VPS13A: variants seen among roughly 807,000 people sequenced by gnomAD.
VPS13A encodes intermembrane lipid transfer protein VPS13A.
A neutral mutation model predicts 390.9 loss-of-function variants in VPS13A; 264 were observed. The observed-to-expected ratio is 0.68, with a 90% confidence interval of 0.61 to 0.75. The LOEUF (loss-of-function observed/expected upper bound fraction) is 0.75, where lower values mean the gene tolerates loss of function less well. Ranked by LOEUF, VPS13A falls within the 30% of genes least tolerant of loss-of-function variation. The pLI is 0.00. For missense variants in VPS13A, 3,409 were observed against 3,733.9 expected, an observed-to-expected ratio of 0.91 and a Z score of 2.27; for synonymous variants, 1,231 against 1,227.1, an observed-to-expected ratio of 1.00 and a Z score of -0.07.
At chr9:77,196,821 TCAA>T (rs939939101) in intron 1 of VPS13A, among the ~76,000 whole-genome samples, 1 of 152,184 alleles carries the variant, frequency 6.6e-6, no homozygotes, top group African/African-American at 2.4e-5. Flanking sequence ...AGGTTTCTCT[TCAA>T]CAAACTGATT....
rs1433899334 is a variant in VPS13A, at chr9:77,197,364, C to A, written c.101-2581C>A. On this transcript the variant is annotated intron_variant, in intron 1 of 71. Transcript: ENST00000360280. ...ATTACTGAAAGTGGGGTATTGAAGC[C>A]TTCTACTGCTAATGTAGTGCTATCT... 2.6e-5 allele frequency among the ~76,000 whole-genome samples: 4 copies of A among 152,132 alleles called. No individual in the cohort carries two copies. The East Asian group carries it at 7.7e-4, about 29-fold the overall frequency.
At chr9:77,222,784 ATTAAG>A (rs1427667937) in intron 13 of VPS13A, among the ~76,000 whole-genome samples, 1 of 152,192 alleles carries the variant, frequency 6.6e-6, no homozygotes, top group Non-Finnish European at 1.5e-5. Context: ...CAGCTGTTAA[ATTAAG>A]TTTAGACTAA....
At chr9:77,258,768 A>G (rs1313049574) in intron 22 of VPS13A, among the ~76,000 whole-genome samples, 1 of 152,128 alleles carries the variant, frequency 6.6e-6, no homozygotes, top group Non-Finnish European at 1.5e-5. Flanking sequence ...TAAAGATTAA[A>G]GATCTGTGCG....
chr9:77,246,201 A>G (rs1824797002), intron 19 of VPS13A, among the ~76,000 whole-genome samples: 1 of 152,208 alleles, frequency 6.6e-6, no homozygotes, highest in South Asian at 2.1e-4. Context: ...ATTTTAATTT[A>G]AATAGATATT....
chr9:77,398,725 G>T (rs1004834820), intron 68 of VPS13A, among the ~76,000 whole-genome samples: 1 of 152,088 alleles, frequency 6.6e-6, no homozygotes, highest in African/African-American at 2.4e-5. Flanking sequence ...GTATTCTCAT[G>T]TTTATAATGG....
At chr9:77,194,370 C>T (rs923197168) in intron 1 of VPS13A, among the ~76,000 whole-genome samples, 3 of 147,174 alleles carry the variant, frequency 2.0e-5, no homozygotes, top group Admixed American at 2.0e-4. Flanking sequence ...TTGGGGGGGG[C>T]GCTCAAATCT....
At position 77,334,117 on chromosome 9, in the gene VPS13A, GCTAT is replaced by G. The variant is rs1412289179; in HGVS notation, c.6095+2008_6095+2011del. Among the ~76,000 whole-genome samples, 6 of 152,266 alleles carry G rather than the reference GCTAT, an allele frequency of 3.9e-5. No homozygotes were observed. The South Asian group carries it at 6.2e-4, about 16-fold the overall frequency. On this transcript the variant is annotated intron_variant, in intron 46 of 71. Transcript: ENST00000360280. ...GTAATATGGAGATTAGAAGGAAAAG[GCTAT>G]CTAAGAGGAAGGCATGCATGAACAA...
At chr9:77,239,933 AT>A (rs1412596669) in intron 19 of VPS13A, among the ~76,000 whole-genome samples, 1 of 151,946 alleles carries the variant, frequency 6.6e-6, no homozygotes, top group Non-Finnish European at 1.5e-5. Flanking sequence ...AAAATTTTAT[AT>A]TCTCCTAGTC....
At chr9:77,189,169 T>C (rs1824526844) in intron 1 of VPS13A, among the ~76,000 whole-genome samples, 1 of 148,324 alleles carries the variant, frequency 6.7e-6, no homozygotes, top group Admixed American at 6.7e-5. Context: ...GGAATTTTCA[T>C]CATGAAATCT....
chr9:77,331,131 T>A (rs561635049), intron 45 of VPS13A, among the ~76,000 whole-genome samples: 9 of 141,786 alleles, frequency 6.3e-5, no homozygotes, highest in African/African-American at 1.4e-4. Flanking sequence ...GTTTTCATTT[T>A]CATTTTTTTT....
chr9:77,398,449 C>A (rs1043644291), intron 68 of VPS13A, among the ~76,000 whole-genome samples: 9 of 152,236 alleles, frequency 5.9e-5, no homozygotes, highest in African/African-American at 2.2e-4. Context: ...ACTTACTGAT[C>A]CTCAGTTTCT....
chr9:77,358,808 C>T (rs144134642), intron 57 of VPS13A, among the ~76,000 whole-genome samples: 2 of 152,274 alleles, frequency 1.3e-5, no homozygotes, highest in East Asian at 1.9e-4. Context: ...ATAAGAATAA[C>T]GGACAAGTCC....
intron 22 of VPS13A, among the ~76,000 whole-genome samples, chr9:77,257,435 A>G (rs1222288495): frequency 6.6e-6 from 1 of 151,892 alleles, no homozygotes; most frequent in Non-Finnish European, 1.5e-5. Context: ...GGGTCTTGCT[A>G]TGTTGCCCAG....
At chr9:77,411,611 C>T (rs1400211484) in intron 71 of VPS13A, among the ~76,000 whole-genome samples, 3 of 133,370 alleles carry the variant, frequency 2.2e-5, no homozygotes, top group African/African-American at 8.4e-5. Flanking sequence ...TGCAATCAGC[C>T]GAGATGGCGC....
At chr9:77,300,036 T>A (rs1828252132) in intron 33 of VPS13A, among the ~76,000 whole-genome samples, 2 of 152,142 alleles carry the variant, frequency 1.3e-5, no homozygotes, top group South Asian at 4.1e-4. Context: ...GCCACATGTG[T>A]AACAATGTAA....
intron 7 of VPS13A, 101 bp from the exon 8 acceptor site, chr9:77,212,868 T>G: frequency 8.0e-7 from 1 of 1,249,282 alleles, no homozygotes; most frequent in Non-Finnish European, 1.2e-6. Flanking sequence ...GGCATTTTCA[T>G]GAAAGGGACA....
chr9:77,307,410 C>T (rs1036607342), intron 34 of VPS13A, among the ~76,000 whole-genome samples: 2 of 152,132 alleles, frequency 1.3e-5, no homozygotes, highest in Non-Finnish European at 1.5e-5. Flanking sequence ...AGGATTGCAC[C>T]ACTGCATGCC....
At chr9:77,180,908 A>G (rs1215190110) in intron 1 of VPS13A, among the ~76,000 whole-genome samples, 1 of 152,158 alleles carries the variant, frequency 6.6e-6, no homozygotes, top group Non-Finnish European at 1.5e-5. Context: ...GTCATTGTCC[A>G]GGTGTGGTGC....
intron 1 of VPS13A, among the ~76,000 whole-genome samples, chr9:77,197,908 C>A (rs1185655744): frequency 6.6e-6 from 1 of 152,116 alleles, no homozygotes; most frequent in Non-Finnish European, 1.5e-5. Context: ...ATATGCTGAT[C>A]AGCAATAATT....
Sources: gnomAD v4.1 joint callset for allele counts (sites outside exome capture counted in the v4.1 genomes callset) on GRCh38, gnomAD v4.1.1 for gene constraint, MANE v1.5 for transcripts, NCBI Gene and HGNC (gene_info 2026-07-23, HGNC 2026-07-21) for gene names.